Variants in NTAQ1 observed in about 807,000 individuals in gnomAD.
NTAQ1 encodes protein N-terminal glutamine amidohydrolase.
Under a neutral mutation model 28.2 loss-of-function variants are expected in NTAQ1, and 21 were observed. The observed-to-expected ratio is 0.74, with a 90% CI of 0.53 to 1.07. The LOEUF is 1.07. NTAQ1 is among the 50% of genes least tolerant of loss of function. The pLI is 0.00. For synonymous variants in NTAQ1, 105 were observed against 90.0 expected (o/e 1.17, Z -0.94); for missense variants, 264 against 256.6 (o/e 1.03, Z -0.20).
downstream of NTAQ1, among the ~76,000 whole-genome samples, chr8:123,444,874 A>G (rs913457592): frequency 6.6e-6 from 1 of 152,180 alleles, no homozygotes; most frequent in Non-Finnish European, 1.5e-5. Flanking sequence ...AACCTGACAC[A>G]CCAAGGAGTT....
intron 3 of NTAQ1, among the ~76,000 whole-genome samples, chr8:123,434,829 T>G (rs12677203): frequency 6.6e-6 from 1 of 151,742 alleles, no homozygotes; most frequent in Non-Finnish European, 1.5e-5. Context: ...AGCAGACCCA[T>G]TGGGAGGCAG....
At chr8:123,456,810 A>G (rs752167583) in intron 6 of NTAQ1, among the ~76,000 whole-genome samples, 3 of 152,206 alleles carry the variant, frequency 2.0e-5, no homozygotes, top group Admixed American at 6.5e-5. Flanking sequence ...GTGGAGGACA[A>G]TCCAGATATT....
chr8:123,416,934 TG>T lies in NTAQ1; in HGVS notation c.83+3del. The T allele has an allele frequency of 8.0e-6, 12 of 1,492,750 alleles. No individual in the cohort carries two copies. Among genetic ancestry groups the T allele is most frequent in the Non-Finnish European group, 1.1e-5 (12 of 1,119,662 alleles). The allele number at this position is 1,492,750 out of a possible 1,614,324, so 92.5% of individuals were successfully genotyped here. On this transcript the variant is annotated splice_donor_region_variant and intron_variant, in intron 1 of 5. Coordinates refer to ENST00000287387, the MANE Select transcript of NTAQ1 (RefSeq NM_018024.3). ...CTGCGTCTACAGCAGCTGCTACTGG[TG>T]AGGGGGCGCGGGCGCAGCCTCTGGG... is the stretch of plus-strand genomic sequence containing the variant.
chr8:123,439,524 T>A (rs1374970119), intron 5 of NTAQ1, among the ~76,000 whole-genome samples: 1 of 151,782 alleles, frequency 6.6e-6, no homozygotes, highest in African/African-American at 2.4e-5. Flanking sequence ...TTTTTTGTAT[T>A]TTTAGTAGAG....
At chr8:123,465,403 G>C (rs1254905098) in intron 6 of NTAQ1, among the ~76,000 whole-genome samples, 1 of 151,976 alleles carries the variant, frequency 6.6e-6, no homozygotes, top group Non-Finnish European at 1.5e-5. Flanking sequence ...TCACTGCAGA[G>C]AAACTCCCTC....
At chr8:123,467,018 T>C (rs942111286) in intron 6 of NTAQ1, 14 of 152,178 alleles carry the variant, frequency 9.2e-5, no homozygotes, top group Admixed American at 3.9e-4. Flanking sequence ...ATGTTTGTGG[T>C]TCTTGAAACA....
At position 123,440,146 on chromosome 8, in the gene NTAQ1, C is replaced by CTTTT. The variant is rs577877415; in HGVS notation, c.509-1136_509-1133dup. 5.1e-3 allele frequency among the ~76,000 whole-genome samples: 291 copies of CTTTT among 56,568 alleles called. 40 individuals carry two copies. The highest frequency in any genetic ancestry group is 6.0e-3 in the Non-Finnish European group (202 of 33,758). 37.1% of individuals were successfully genotyped at this position (56,568 alleles called of 152,430 possible). ...CCACCACGCTGGCCAGGATTAACTC[C>CTTTT]TTTTTTTTTTTTTTTTTTTTTTTTT... On this transcript the variant is annotated intron_variant, in intron 5 of 5. Coordinates refer to ENST00000287387, the MANE Select transcript of NTAQ1 (RefSeq NM_018024.3).
chr8:123,429,549 C>G lies in NTAQ1; in HGVS notation c.184-434C>G, dbSNP rs13253452. On this transcript the variant is annotated intron_variant, in intron 2 of 5. Coordinates refer to ENST00000287387, the MANE Select transcript of NTAQ1 (RefSeq NM_018024.3). ...ATGGCACCTGTGAGTAGCCACTGCA[C>G]TCCAGCCAGGGCAGCATCACAAGAT... Among the ~76,000 whole-genome samples the G allele has an allele frequency of 6.3e-3, 958 of 152,156 alleles. 8 individuals are homozygous for G. The highest frequency in any genetic ancestry group is 0.011 in the Non-Finnish European group (751 of 68,000).
chr8:123,470,575 A>T (rs958118260), downstream of NTAQ1, among the ~76,000 whole-genome samples: 4 of 152,214 alleles, frequency 2.6e-5, no homozygotes, highest in Non-Finnish European at 5.9e-5. Flanking sequence ...ATTTCATAAG[A>T]CAACTTTTGG....
At chr8:123,474,803 C>G (rs1040017916), downstream of NTAQ1, among the ~76,000 whole-genome samples, 2 of 152,130 alleles carry the variant, frequency 1.3e-5, no homozygotes, top group Non-Finnish European at 2.9e-5. Context: ...AGGAGAATAG[C>G]TTGAACCCAG....
Position 123,437,262 on chromosome 8 carries a change from C to G in NTAQ1, c.436C>G (p.Arg146Gly). ...ATATTTGAAGAACTTTGCTTCTGACCGATCTCACATGAAAGACTCCAGTGG... is the reference window on the plus strand; with the variant it reads ...ATATTTGAAGAACTTTGCTTCTGACGGATCTCACATGAAAGACTCCAGTGG... ...DSYLKNFASD[R>G]SHMKDSSGNW... is the part of the protein sequence containing the mutation. Residue 146 changes from arginine to glycine, a missense_variant, in exon 5 of 6, where the codon CGA becomes GGA. Coordinates refer to ENST00000287387, the MANE Select transcript of NTAQ1 (RefSeq NM_018024.3). The G allele has an allele frequency of 6.2e-7, 1 of 1,614,076 alleles. No individual in the cohort carries two copies. The highest frequency in any genetic ancestry group is 1.1e-5 in the South Asian group (1 of 91,076).
At chr8:123,427,163 G>C (rs1460923365) in intron 1 of NTAQ1, among the ~76,000 whole-genome samples, 1 of 149,100 alleles carries the variant, frequency 6.7e-6, no homozygotes, top group Non-Finnish European at 1.5e-5. Context: ...TGTTAACTAA[G>C]ATTTTTGTGT....
intron 6 of NTAQ1, among the ~76,000 whole-genome samples, chr8:123,460,759 G>T (rs1815798703): frequency 6.6e-6 from 1 of 152,214 alleles, no homozygotes; most frequent in African/African-American, 2.4e-5. Context: ...GCATGCAGTG[G>T]CAGGGGGTTG....
intron 5 of NTAQ1, among the ~76,000 whole-genome samples, chr8:123,438,601 G>A (rs1042065843): frequency 6.6e-6 from 1 of 151,504 alleles, no homozygotes; most frequent in African/African-American, 2.4e-5. Flanking sequence ...TGAACCGGGA[G>A]GCAGAGGTTG....
Position 123,442,124 on chromosome 8 carries a change from G to A in NTAQ1, c.*709G>A, listed in dbSNP as rs1249698223. ...GGGCTTTAAAAAATATTTATTACAT[G>A]TGCCTTCTGGAAGACATCTTGGTTA... On this transcript the variant is annotated 3_prime_UTR_variant, in exon 6 of 6. Coordinates refer to ENST00000287387, the MANE Select transcript of NTAQ1 (RefSeq NM_018024.3). The A allele has an allele frequency of 6.6e-6, 1 of 152,186 alleles. No individual in the cohort carries two copies. Among genetic ancestry groups the A allele is most frequent in the African/African-American group, 2.4e-5 (1 of 41,404 alleles). 9.4% of individuals were successfully genotyped at this position (152,186 alleles called of 1,614,324 possible). A position where few individuals can be genotyped will look rare whatever the true frequency, so the allele number is the denominator to read the frequency against.
exon 7 of NTAQ1, among the ~76,000 whole-genome samples, chr8:123,468,389 C>T (rs534748245): frequency 6.6e-6 from 1 of 152,262 alleles, no homozygotes; most frequent in Non-Finnish European, 1.5e-5. Flanking sequence ...CCATATCCCC[C>T]CACTAACTGC....
chr8:123,469,310 T>A (rs1324050294), exon 7 of NTAQ1, among the ~76,000 whole-genome samples: 2 of 152,240 alleles, frequency 1.3e-5, no homozygotes, highest in African/African-American at 4.8e-5. Flanking sequence ...GTTTTTTCAT[T>A]TGTTTAAGCC....
At chr8:123,462,632 C>A (rs1315681775) in intron 6 of NTAQ1, among the ~76,000 whole-genome samples, 1 of 152,198 alleles carries the variant, frequency 6.6e-6, no homozygotes, top group Admixed American at 6.5e-5. Flanking sequence ...GATATGAGTC[C>A]TGTTATCATT....
intron 2 of NTAQ1, among the ~76,000 whole-genome samples, chr8:123,429,263 C>T (rs555919572): frequency 5.3e-5 from 8 of 152,270 alleles, no homozygotes; most frequent in South Asian, 4.1e-4. Flanking sequence ...TTTCACTCTC[C>T]AAAGACCATC....
Sources: allele counts gnomAD v4.1 joint callset (sites outside exome capture counted in the v4.1 genomes callset), GRCh38; gene constraint gnomAD v4.1.1; transcripts MANE v1.5; gene names NCBI Gene and HGNC (gene_info 2026-07-23, HGNC 2026-07-21).